ANKRD36C: variants seen among roughly 807,000 people sequenced by gnomAD.
ANKRD36C encodes the protein ankyrin repeat domain-containing protein 36C.
Under a neutral mutation model 276.4 loss-of-function variants are expected in ANKRD36C, and 61 were observed. The observed-to-expected ratio is 0.22, with a 90% CI of 0.18 to 0.27. The LOEUF (loss-of-function observed/expected upper bound fraction) is 0.27. ANKRD36C is among the 10% of genes least tolerant of loss of function. The probability of loss-of-function intolerance (pLI) is 1.00; values close to 1 mark genes in which losing one functional copy is unlikely to be tolerated. For missense variants in ANKRD36C, 1,447 were observed against 2,032.3 expected, an observed-to-expected ratio of 0.71 and a Z score of 5.54; for synonymous variants, 483 against 680.1, an observed-to-expected ratio of 0.71 and a Z score of 4.51.
chr2:95,870,430 T>C (rs1363901290), intron 59 of ANKRD36C, among the ~76,000 whole-genome samples: 3 of 151,908 alleles, frequency 2.0e-5, no homozygotes, highest in Non-Finnish European at 2.9e-5. Flanking sequence ...TCTAGCAAAC[T>C]CCAACAGACC....
At chr2:95,910,836 G>T (rs886099773) in intron 42 of ANKRD36C, among the ~76,000 whole-genome samples, 1 of 151,368 alleles carries the variant, frequency 6.6e-6, no homozygotes, top group Non-Finnish European at 1.5e-5. Context: ...CAATCTCAAC[G>T]TGCATAGGCC....
intron 1 of ANKRD36C, among the ~76,000 whole-genome samples, chr2:95,989,837 C>G (rs1365930242): frequency 2.0e-5 from 3 of 152,084 alleles, no homozygotes; most frequent in African/African-American, 7.2e-5. Context: ...CCTTTTTTAA[C>G]TTAAATACCT....
At position 95,956,770 on chromosome 2, in the gene ANKRD36C, A is replaced by G. The variant is rs1409111026; in HGVS notation, c.1136+16T>C. On this transcript the variant is annotated intron_variant, in intron 13 of 66. Transcript: ENST00000456556. ...CTAAGTTAACATATCACTTTAAAAAATCTGTGAAATCATACCTGTTTAAAC... is the reference window on the plus strand; with the variant it reads ...CTAAGTTAACATATCACTTTAAAAAGTCTGTGAAATCATACCTGTTTAAAC... The G allele has an allele frequency of 6.5e-7, 1 of 1,532,778 alleles. No homozygotes were observed. Among genetic ancestry groups the G allele is most frequent in the East Asian group, 2.4e-5 (1 of 40,898 alleles). The allele number at this position is 1,532,778 out of a possible 1,614,324, so 94.9% of individuals were successfully genotyped here.
chr2:95,985,730 G>A (rs539089484), intron 3 of ANKRD36C, among the ~76,000 whole-genome samples: 69 of 152,242 alleles, frequency 4.5e-4, no homozygotes, highest in African/African-American at 1.3e-3. Flanking sequence ...TCCCTTTATC[G>A]TTTGGGATTT....
At chr2:95,889,298 A>G (rs573470671) in intron 48 of ANKRD36C, among the ~76,000 whole-genome samples, 1 of 151,610 alleles carries the variant, frequency 6.6e-6, no homozygotes, top group African/African-American at 2.4e-5. Context: ...CCCAAATTAC[A>G]TAAATAACTT....
At chr2:95,944,715 A>C in intron 18 of ANKRD36C, 21 bp from the exon 19 acceptor site, 3 of 1,535,906 alleles carry the variant, frequency 2.0e-6, no homozygotes, top group Middle Eastern at 1.7e-4. Context: ...AACAAAGTCA[A>C]GAGTAGATGA....
chr2:95,911,881 T>A (rs898610665), intron 42 of ANKRD36C, among the ~76,000 whole-genome samples: 1 of 151,514 alleles, frequency 6.6e-6, no homozygotes, highest in Non-Finnish European at 1.5e-5. Flanking sequence ...TTTCTGCCTG[T>A]TTTTAGCACT....
At chr2:95,947,271 T>C (rs946383676) in intron 17 of ANKRD36C, among the ~76,000 whole-genome samples, 16 of 152,082 alleles carry the variant, frequency 1.1e-4, no homozygotes, top group African/African-American at 2.7e-4. Flanking sequence ...CCTCAACTTA[T>C]AGATTCTCAA....
At chr2:95,944,462 A>G (rs1677979187) in intron 19 of ANKRD36C, among the ~76,000 whole-genome samples, 165 bp downstream of exon 19, 1 of 152,210 alleles carries the variant, frequency 6.6e-6, no homozygotes, top group African/African-American at 2.4e-5. Context: ...TGTCATCGTT[A>G]TAAAGACAGG....
chr2:95,878,339 A>C (rs973633634), intron 58 of ANKRD36C, among the ~76,000 whole-genome samples: 1 of 152,216 alleles, frequency 6.6e-6, no homozygotes, highest in African/African-American at 2.4e-5. Flanking sequence ...CAAAGAATGA[A>C]TGCTATAACT....
intron 4 of ANKRD36C, 139 bp from the exon 5 acceptor site, chr2:95,980,924 T>C: frequency 7.7e-7 from 1 of 1,304,800 alleles, no homozygotes; most frequent in African/African-American, 1.5e-5. Flanking sequence ...TCTTAGGTGC[T>C]CAAGGGTATA....
intron 10 of ANKRD36C, among the ~76,000 whole-genome samples, chr2:95,959,820 AC>A (rs1257723502): frequency 6.6e-6 from 1 of 152,170 alleles, no homozygotes; most frequent in African/African-American, 2.4e-5. Context: ...AAGAGGGTTA[AC>A]AGGTGACTGT....
intron 44 of ANKRD36C, among the ~76,000 whole-genome samples, chr2:95,894,641 T>C (rs1676483107): frequency 1.3e-5 from 2 of 151,434 alleles, no homozygotes; most frequent in Non-Finnish European, 3.0e-5. Context: ...ATACAAGAGG[T>C]AGCTCTTTGA....
intron 6 of ANKRD36C, among the ~76,000 whole-genome samples, chr2:95,976,494 T>G (rs1678812217): frequency 6.6e-6 from 1 of 152,170 alleles, no homozygotes; most frequent in African/African-American, 2.4e-5. Flanking sequence ...ATCAGGGGTT[T>G]CAGTACAAAC....
At chr2:95,983,965 G>A (rs939326927) in intron 3 of ANKRD36C, among the ~76,000 whole-genome samples, 2 of 151,996 alleles carry the variant, frequency 1.3e-5, no homozygotes, top group Non-Finnish European at 2.9e-5. Context: ...ATATAATGTT[G>A]TCTGCAATAT....
intron 8 of ANKRD36C, among the ~76,000 whole-genome samples, chr2:95,961,552 CTAAAG>C (rs1678460476): frequency 2.0e-5 from 3 of 152,126 alleles, no homozygotes; most frequent in Admixed American, 6.6e-5. Flanking sequence ...ATGTTATTCT[CTAAAG>C]TATTTTCATT....
chr2:95,960,282 T>C (rs7566050), intron 10 of ANKRD36C, among the ~76,000 whole-genome samples, 191 bp downstream of exon 10: 49,201 of 151,800 alleles, frequency 0.32, 9,321 homozygotes, highest in East Asian at 0.48. Context: ...AAGTCTATAG[T>C]CTTACTACTC....
chr2:95,862,686 C>G (rs935111288), intron 60 of ANKRD36C, among the ~76,000 whole-genome samples: 9 of 151,522 alleles, frequency 5.9e-5, no homozygotes, highest in African/African-American at 1.7e-4. Flanking sequence ...CTGCTGTGGT[C>G]TGAATGTTTG....
chr2:95,980,028 A>C (rs547616621), intron 5 of ANKRD36C, among the ~76,000 whole-genome samples: 2 of 152,190 alleles, frequency 1.3e-5, no homozygotes, highest in East Asian at 3.9e-4. Flanking sequence ...CAACATGAAG[A>C]TTGAGGGATG....
Sources: allele counts gnomAD v4.1 joint callset (sites outside exome capture counted in the v4.1 genomes callset), GRCh38; gene constraint gnomAD v4.1.1; transcripts MANE v1.5; gene names NCBI Gene and HGNC (gene_info 2026-07-23, HGNC 2026-07-21).